INPP5F: variants seen among roughly 807,000 people sequenced by gnomAD.
The protein encoded by INPP5F is phosphatidylinositide 4-phosphatase SAC2.
In INPP5F, 97 loss-of-function variants were observed where a neutral mutation model predicts 137.2. The observed-to-expected ratio is 0.71, with a 90% confidence interval of 0.60 to 0.84. INPP5F has a LOEUF of 0.84. Among genes scored for constraint, INPP5F ranks in the 40% least tolerant of loss-of-function variants. The probability of loss-of-function intolerance (pLI) is 0.00; values close to 1 mark genes in which losing one functional copy is unlikely to be tolerated. For missense variants in INPP5F, 1,271 were observed against 1,371.9 expected, an observed-to-expected ratio of 0.93 and a Z score of 1.16; for synonymous variants, 504 against 476.9, an observed-to-expected ratio of 1.06 and a Z score of -0.74.
At chr10:119,821,030 A>G in intron 16 of INPP5F, 113 bp downstream of exon 16, 1 of 690,558 alleles carries the variant, frequency 1.4e-6, no homozygotes, top group African/African-American at 1.8e-5. Flanking sequence ...TATGTATTTT[A>G]TGAAACTTCA....
intron 15 of INPP5F, chr10:119,819,663 A>G (rs978614708): frequency 6.6e-6 from 4 of 602,246 alleles, no homozygotes; most frequent in South Asian, 8.3e-5. Context: ...TTTGGCTCCT[A>G]GAATCGATCT....
intron 12 of INPP5F, among the ~76,000 whole-genome samples, chr10:119,807,472 T>C (rs1402790373): frequency 6.6e-6 from 1 of 152,130 alleles, no homozygotes; most frequent in African/African-American, 2.4e-5. Flanking sequence ...ATTTGTAAAA[T>C]GTAGGTGATA....
intron 2 of INPP5F, among the ~76,000 whole-genome samples, chr10:119,779,084 C>T (rs751236358): frequency 1.6e-4 from 24 of 152,248 alleles, no homozygotes; most frequent in Middle Eastern, 3.4e-3. Flanking sequence ...TTCTGGTTCT[C>T]TCCTCTTCTT....
At chr10:119,794,190 G>A (rs1388420738) in intron 6 of INPP5F, among the ~76,000 whole-genome samples, 4 of 151,608 alleles carry the variant, frequency 2.6e-5, no homozygotes, top group South Asian at 2.1e-4. Flanking sequence ...TGTGTCCCTG[G>A]GTACTTGAGA....
At chr10:119,779,803 C>G (rs748402927) in intron 2 of INPP5F, among the ~76,000 whole-genome samples, 4 of 152,092 alleles carry the variant, frequency 2.6e-5, no homozygotes, top group Non-Finnish European at 5.9e-5. Flanking sequence ...TGTTTTAAAA[C>G]TTTTTGACTC....
intron 13 of INPP5F, 115 bp from the exon 14 acceptor site, chr10:119,809,985 A>G (rs1332064678): frequency 3.0e-6 from 2 of 675,082 alleles, no homozygotes; most frequent in African/African-American, 3.6e-5. Flanking sequence ...TAGAAGTCAG[A>G]CCTTGGAAAT....
chr10:119,768,983 C>G (rs894669304), intron 2 of INPP5F, among the ~76,000 whole-genome samples: 15 of 152,178 alleles, frequency 9.9e-5, no homozygotes, highest in Non-Finnish European at 1.8e-4. Context: ...TTCTCCTGTT[C>G]TCCTTATGTG....
chr10:119,773,136 A>C (rs1185105978), intron 2 of INPP5F, among the ~76,000 whole-genome samples: 1 of 151,128 alleles, frequency 6.6e-6, no homozygotes, highest in Non-Finnish European at 1.5e-5. Context: ...AGCTTACTGC[A>C]ACCTTCGCCT....
At chr10:119,801,395 C>T (rs886375859) in intron 9 of INPP5F, among the ~76,000 whole-genome samples, 25 of 152,150 alleles carry the variant, frequency 1.6e-4, no homozygotes, top group African/African-American at 6.0e-4. Flanking sequence ...TTTATGTGGG[C>T]TGAATGGGGA....
At chr10:119,793,359 T>C (rs1850214483) in intron 6 of INPP5F, among the ~76,000 whole-genome samples, 1 of 152,136 alleles carries the variant, frequency 6.6e-6, no homozygotes, top group Admixed American at 6.6e-5. Context: ...TTTTCAACTT[T>C]AGCCACCTTC....
At chr10:119,816,887 T>A (rs908978875) in intron 15 of INPP5F, among the ~76,000 whole-genome samples, 7 of 152,238 alleles carry the variant, frequency 4.6e-5, no homozygotes, top group Non-Finnish European at 8.8e-5. Context: ...TTAAAATATA[T>A]AATTCAGTGG....
intron 2 of INPP5F, among the ~76,000 whole-genome samples, chr10:119,774,641 T>C (rs916436476): frequency 1.3e-5 from 2 of 152,080 alleles, no homozygotes; most frequent in Non-Finnish European, 2.9e-5. Flanking sequence ...TTAATTGGAA[T>C]TAGTCCCAGA....
chr10:119,761,428 ATTAGGT>A (rs1849006162), intron 2 of INPP5F, among the ~76,000 whole-genome samples: 2 of 152,216 alleles, frequency 1.3e-5, no homozygotes, highest in African/African-American at 4.8e-5. Flanking sequence ...ACTTTTAGCT[ATTAGGT>A]ACCTGACGTT....
chr10:119,784,271 T>C (rs760086365), intron 3 of INPP5F, among the ~76,000 whole-genome samples: 4 of 152,234 alleles, frequency 2.6e-5, no homozygotes, highest in Non-Finnish European at 2.9e-5. Context: ...ATAATTGTTA[T>C]CAATATTCTA....
At chr10:119,789,912 C>T (rs61867911) in intron 3 of INPP5F, among the ~76,000 whole-genome samples, 7,143 of 151,464 alleles carry the variant, frequency 0.047, 300 homozygotes, top group South Asian at 0.25. Flanking sequence ...CAGGTGAAGC[C>T]GTGTGTTGTA....
At chr10:119,784,797 T>G (rs1307357433) in intron 3 of INPP5F, among the ~76,000 whole-genome samples, 1 of 152,196 alleles carries the variant, frequency 6.6e-6, no homozygotes, top group East Asian at 1.9e-4. Flanking sequence ...ACAATCAATT[T>G]TAGAACCTTT....
At chr10:119,756,782 A>G (rs568826023) in intron 2 of INPP5F, among the ~76,000 whole-genome samples, 1 of 151,284 alleles carries the variant, frequency 6.6e-6, no homozygotes, top group Admixed American at 6.6e-5. Flanking sequence ...CTTTTAAAAA[A>G]TATATGATAG....
intron 3 of INPP5F, among the ~76,000 whole-genome samples, chr10:119,782,996 A>G (rs1254212631): frequency 6.6e-6 from 1 of 152,188 alleles, no homozygotes; most frequent in African/African-American, 2.4e-5. Flanking sequence ...TAAGAAACAA[A>G]ATGAATTTAA....
Position 119,827,049 on chromosome 10 carries a change from C to A in INPP5F, c.2668C>A (p.Pro890Thr). 1 of 1,613,990 alleles carries A rather than the reference C, an allele frequency of 6.2e-7. No homozygotes were observed. Among genetic ancestry groups the A allele is most frequent in the African/African-American group, 1.3e-5 (1 of 74,992 alleles). Residue 890 changes from proline to threonine, a missense_variant, in exon 20 of 20, where the codon CCT becomes ACT. Coordinates refer to ENST00000650623, the MANE Select transcript of INPP5F (RefSeq NM_014937.4). ...TGTAGGGCCAATAGATTACGTTCTT[C>A]CTAGTTGTGGTATTATTGCCTCAGC... is the stretch of plus-strand genomic sequence containing the variant. ...ESVGPIDYVL[P>T]SCGIIASAPR...
Sources: gnomAD v4.1 joint callset for allele counts (sites outside exome capture counted in the v4.1 genomes callset) on GRCh38, gnomAD v4.1.1 for gene constraint, MANE v1.5 for transcripts, NCBI Gene and HGNC (gene_info 2026-07-23, HGNC 2026-07-21) for gene names.